The following CNKSR3 variants were observed in gnomAD, a reference collection of about 807,000 sequenced individuals.
The protein encoded by CNKSR3 is connector enhancer of kinase suppressor of ras 3.
CNKSR3 carries 36 observed loss-of-function variants against 67.7 expected under a neutral mutation model. The observed-to-expected ratio is 0.53, with a 90% CI of 0.41 to 0.70. The LOEUF (loss-of-function observed/expected upper bound fraction) is 0.70, where lower values mean the gene tolerates loss of function less well. CNKSR3 is among the 30% of genes least tolerant of loss of function. The probability of loss-of-function intolerance (pLI) is 0.00; values close to 1 mark genes in which losing one functional copy is unlikely to be tolerated. For synonymous variants in CNKSR3, 281 were observed against 271.4 expected (o/e 1.04, Z -0.35); for missense variants, 630 against 695.2 (o/e 0.91, Z 1.05).
intron 1 of CNKSR3, among the ~76,000 whole-genome samples, chr6:154,503,909 T>C (rs1028171875): frequency 1.3e-5 from 2 of 152,212 alleles, no homozygotes; most frequent in African/African-American, 2.4e-5. Flanking sequence ...AGCAGGACTC[T>C]AGCAAAGTTT....
chr6:154,441,242 C>CAAAAAAAAAAAAAAAA (rs34887626), intron 4 of CNKSR3, 50 bp downstream of exon 4: 13 of 847,470 alleles, frequency 1.5e-5, no homozygotes, highest in African/African-American at 2.2e-5. Context: ...AGAGGAAAAG[C>CAAAAAAAAAAAAAAAA]AAAAAAAAAA....
chr6:154,474,698 G>A (rs890008667), intron 1 of CNKSR3, among the ~76,000 whole-genome samples: 10 of 152,168 alleles, frequency 6.6e-5, no homozygotes, highest in African/African-American at 2.2e-4. Flanking sequence ...ATAGTGTCAT[G>A]GGAGAAAGAA....
Position 154,406,497 on chromosome 6 carries a change from A to G in CNKSR3, c.1525T>C (p.Ser509Pro). The G allele has an allele frequency of 6.2e-7, 1 of 1,613,924 alleles. No homozygotes were observed. Among genetic ancestry groups the G allele is most frequent in the South Asian group, 1.1e-5 (1 of 91,066 alleles). ...YIRGSRCYIN[S>P]DLHSSATIPF... ...ATCGTGGCGCTGCTGTGGAGATCTG[A>G]GTTGATGTAGCACCTGCTTCCTCGG... Residue 509 changes from serine (S) to proline (P), a missense_variant, in exon 13 of 13, where the codon TCA (serine) becomes CCA (proline). Ser to Pro is a moderately conservative substitution (Grantham distance 74). Coordinates refer to ENST00000607772, the MANE Select transcript of CNKSR3 (RefSeq NM_173515.4).
At chr6:154,480,080 A>G (rs1582893844) in intron 1 of CNKSR3, among the ~76,000 whole-genome samples, 2 of 152,210 alleles carry the variant, frequency 1.3e-5, no homozygotes, top group East Asian at 3.8e-4. Context: ...TCAGGAACGG[A>G]AAGTTATCTA....
chr6:154,501,320 G>T (rs1028453854), intron 1 of CNKSR3, among the ~76,000 whole-genome samples: 7 of 151,502 alleles, frequency 4.6e-5, no homozygotes, highest in Non-Finnish European at 1.0e-4. Context: ...AACCCTGACT[G>T]ATCTTTCAAC....
At chr6:154,431,659 C>A (rs182328253) in intron 5 of CNKSR3, among the ~76,000 whole-genome samples, 23 of 152,034 alleles carry the variant, frequency 1.5e-4, no homozygotes, top group Non-Finnish European at 3.2e-4. Context: ...TAATTATCCA[C>A]CACCCCATCC....
intron 10 of CNKSR3, 43 bp downstream of exon 10, chr6:154,414,256 C>G (rs1315201587): frequency 6.5e-7 from 1 of 1,531,070 alleles, no homozygotes; most frequent in Admixed American, 2.2e-5. Context: ...ACAAATGACA[C>G]CAACAGGAGA....
chr6:154,484,619 C>T (rs183417022), intron 1 of CNKSR3, among the ~76,000 whole-genome samples: 1,489 of 148,326 alleles, frequency 0.01, 29 homozygotes, highest in African/African-American at 0.036. Context: ...GAAGAATCGC[C>T]GGAACCCAGG....
At position 154,415,228 on chromosome 6, in the gene CNKSR3, A is replaced by AT. The variant is rs35873703; in HGVS notation, c.946-806dup. Reference sequence around the variant, plus strand: ...TCCTGGCTAGACTTACTAGCTGCCCATTTTTTTTTTTTTTTTTTTTAAGAT... The same window carrying AT: ...TCCTGGCTAGACTTACTAGCTGCCCATTTTTTTTTTTTTTTTTTTTTAAGAT... On this transcript the variant is annotated intron_variant, in intron 9 of 12. Coordinates refer to ENST00000607772, the MANE Select transcript of CNKSR3 (RefSeq NM_173515.4). Among the ~76,000 whole-genome samples, 69 of 118,114 alleles carry AT rather than the reference A, an allele frequency of 5.8e-4. 2 individuals carry two copies. The South Asian group carries it at 6.2e-3, about 11-fold the overall frequency. The allele number at this position is 118,114 out of a possible 152,430, so 77.5% of individuals were successfully genotyped here. A position where few individuals can be genotyped will look rare whatever the true frequency, so the allele number is the denominator to read the frequency against.
chr6:154,464,445 A>C (rs1341254588), intron 1 of CNKSR3, among the ~76,000 whole-genome samples: 1 of 152,190 alleles, frequency 6.6e-6, no homozygotes, highest in Non-Finnish European at 1.5e-5. Context: ...GGCGGGGTGC[A>C]GTGACTCACA....
At chr6:154,460,251 T>G (rs1786050821) in intron 1 of CNKSR3, among the ~76,000 whole-genome samples, 1 of 152,138 alleles carries the variant, frequency 6.6e-6, no homozygotes, top group African/African-American at 2.4e-5. Flanking sequence ...ATTCAGAATA[T>G]AATGGCAGCC....
At position 154,510,478 on chromosome 6, in the gene CNKSR3, C is replaced by A. The variant is rs1277954671; in HGVS notation, c.-364G>T. 4 of 308,222 alleles carry A rather than the reference C, an allele frequency of 1.3e-5. No homozygotes were observed. The highest frequency in any genetic ancestry group is 4.0e-5 in the South Asian group (1 of 25,284). 19.1% of individuals were successfully genotyped at this position (308,222 alleles called of 1,614,324 possible). ...CCGGCCCGCGACCACTTCCTCGGAT[C>A]TCTCGAGGCGCGATCGGCTCTCCCT... On this transcript the variant is annotated 5_prime_UTR_variant, in exon 1 of 13. Transcript: ENST00000607772.
At chr6:154,483,492 A>G (rs947541160) in intron 1 of CNKSR3, among the ~76,000 whole-genome samples, 7 of 151,218 alleles carry the variant, frequency 4.6e-5, no homozygotes, top group African/African-American at 1.7e-4. Context: ...GAAGTCCCCT[A>G]CCCTCACCCC....
intron 5 of CNKSR3, among the ~76,000 whole-genome samples, chr6:154,431,419 G>T: frequency 6.9e-6 from 1 of 144,920 alleles, no homozygotes. Context: ...CTCTAGCCTG[G>T]GTAACAGAGC....
chr6:154,492,766 CAAAA>C (rs1296625664), intron 1 of CNKSR3, among the ~76,000 whole-genome samples: 12 of 140,474 alleles, frequency 8.5e-5, no homozygotes, highest in African/African-American at 2.6e-4. Flanking sequence ...AAACAAAAAA[CAAAA>C]AAAAAAACAA....
At chr6:154,423,986 A>C (rs1373863675) in intron 7 of CNKSR3, among the ~76,000 whole-genome samples, 2 of 152,124 alleles carry the variant, frequency 1.3e-5, no homozygotes, top group African/African-American at 4.8e-5. Flanking sequence ...TAATCCCAGC[A>C]CTTTGGGAGG....
intron 5 of CNKSR3, 90 bp downstream of exon 5, chr6:154,433,376 G>A: frequency 1.2e-6 from 1 of 854,278 alleles, no homozygotes; most frequent in Non-Finnish European, 1.9e-6. Flanking sequence ...AGTATCTCCT[G>A]AAGTAATTAG....
At position 154,405,374 on chromosome 6, in the gene CNKSR3, T is replaced by C. The variant is rs1784766301; in HGVS notation, c.*980A>G. On this transcript the variant is annotated 3_prime_UTR_variant, in exon 13 of 13. Coordinates refer to ENST00000607772, the MANE Select transcript of CNKSR3 (RefSeq NM_173515.4). ...ATAGTACTTTTCCATTCTAACAAAA[T>C]ATCATACATTCAGTTTAAACAAGAG... 6.6e-6 allele frequency: 1 copy of C among 152,636 alleles called. No homozygotes were observed. The highest frequency in any genetic ancestry group is 2.4e-5 in the African/African-American group (1 of 41,446). The allele number at this position is 152,636 out of a possible 1,614,324, so 9.5% of individuals were successfully genotyped here.
At position 154,401,641 on chromosome 6, in the gene CNKSR3, A is replaced by C. The variant is rs940457479; in HGVS notation, c.*4713T>G. 1 of 152,244 alleles carries C rather than the reference A, an allele frequency of 6.6e-6. No individual in the cohort carries two copies. Among genetic ancestry groups the C allele is most frequent in the South Asian group, 2.1e-4 (1 of 4,836 alleles). 9.4% of individuals were successfully genotyped at this position (152,244 alleles called of 1,614,324 possible). A position where few individuals can be genotyped will look rare whatever the true frequency, so the allele number is the denominator to read the frequency against. The stretch of plus-strand genomic sequence containing the variant: ...TTTTAAGATGTCCATCTTCCACAGA[A>C]TCTCCAAGGAAGTAGCTTGCAGTAG... On this transcript the variant is annotated 3_prime_UTR_variant, in exon 13 of 13. Coordinates refer to ENST00000607772, the MANE Select transcript of CNKSR3 (RefSeq NM_173515.4).
Sources: gnomAD v4.1 joint callset for allele counts (sites outside exome capture counted in the v4.1 genomes callset) on GRCh38, gnomAD v4.1.1 for gene constraint, MANE v1.5 for transcripts, NCBI Gene and HGNC (gene_info 2026-07-23, HGNC 2026-07-21) for gene names.